The following SLC39A11 variants were observed in gnomAD, a reference collection of about 807,000 sequenced individuals.
SLC39A11 encodes zinc transporter ZIP11.
SLC39A11 carries 33 observed loss-of-function variants against 36.1 expected under a neutral mutation model. The ratio of observed to expected loss-of-function variants is 0.91; its 90% CI spans 0.69 to 1.22. The LOEUF is 1.22. Ranked by LOEUF, SLC39A11 falls within the 50% of genes most tolerant of loss-of-function variation. The pLI is 0.00. For synonymous variants in SLC39A11, 166 were observed against 170.3 expected (o/e 0.97, Z 0.20); for missense variants, 432 against 430.3 (o/e 1.00, Z -0.03).
At chr17:72,977,612 C>T (rs1170189552) in intron 4 of SLC39A11, among the ~76,000 whole-genome samples, 1 of 152,026 alleles carries the variant, frequency 6.6e-6, no homozygotes, top group East Asian at 1.9e-4. Flanking sequence ...CCTGAAAAAG[C>T]ATCAGAGAAA....
chr17:72,736,630 G>T lies in SLC39A11; in HGVS notation c.671+20C>A, dbSNP rs773002395. 3 of 1,611,420 alleles carry T rather than the reference G, an allele frequency of 1.9e-6. No homozygotes were observed. Among genetic ancestry groups the T allele is most frequent in the Middle Eastern group, 1.7e-4 (1 of 6,044 alleles). On this transcript the variant is annotated intron_variant, in intron 7 of 9. Coordinates refer to ENST00000255559, the MANE Select transcript of SLC39A11 (RefSeq NM_139177.4). ...CCTGGGTGCAGAACCATGCTCTAGG[G>T]TCCCAGGATGCTGGCTTACCTGGCA...
At chr17:72,976,562 C>G (rs1306751721) in intron 4 of SLC39A11, among the ~76,000 whole-genome samples, 3 of 152,068 alleles carry the variant, frequency 2.0e-5, no homozygotes, top group African/African-American at 7.2e-5. Context: ...ACAGAAATGT[C>G]TCTGTTGGCC....
intron 7 of SLC39A11, among the ~76,000 whole-genome samples, chr17:72,690,056 A>T (rs901619062): frequency 6.6e-6 from 1 of 152,200 alleles, no homozygotes; most frequent in African/African-American, 2.4e-5. Context: ...GGAAGCCAGG[A>T]AATACTCTCC....
At chr17:72,976,737 C>T (rs910501225) in intron 4 of SLC39A11, among the ~76,000 whole-genome samples, 7 of 152,086 alleles carry the variant, frequency 4.6e-5, no homozygotes, top group African/African-American at 1.4e-4. Flanking sequence ...ATAATCCCAG[C>T]TCCTCGGGAG....
intron 5 of SLC39A11, among the ~76,000 whole-genome samples, chr17:72,944,602 A>C (rs1405911675): frequency 1.3e-4 from 20 of 152,182 alleles, no homozygotes; most frequent in Admixed American, 1.3e-3. Context: ...GTCCTTTGGT[A>C]CTCATGCATG....
intron 4 of SLC39A11, among the ~76,000 whole-genome samples, chr17:72,973,849 C>T (rs541863919): frequency 2.0e-4 from 30 of 152,288 alleles, no homozygotes; most frequent in Admixed American, 3.3e-4. Flanking sequence ...CATGAACCAC[C>T]GCACCTGGCC....
chr17:72,889,377 T>C (rs1316041902), intron 5 of SLC39A11, among the ~76,000 whole-genome samples: 2 of 151,984 alleles, frequency 1.3e-5, no homozygotes. Flanking sequence ...CAGCTGGGCA[T>C]GGTGGCGGGC....
At chr17:72,964,897 A>G (rs920679527) in intron 4 of SLC39A11, among the ~76,000 whole-genome samples, 1 of 152,254 alleles carries the variant, frequency 6.6e-6, no homozygotes, top group Non-Finnish European at 1.5e-5. Context: ...TGTGGCACAT[A>G]TACACCATGG....
At chr17:72,701,544 A>G (rs1029740917) in intron 7 of SLC39A11, among the ~76,000 whole-genome samples, 86 of 152,198 alleles carry the variant, frequency 5.7e-4, no homozygotes, top group African/African-American at 2.0e-3. Flanking sequence ...CCTGGCCAAC[A>G]TGGTGAAACC....
intron 4 of SLC39A11, among the ~76,000 whole-genome samples, chr17:72,985,207 G>A (rs1315405959): frequency 6.6e-6 from 1 of 152,160 alleles, no homozygotes; most frequent in African/African-American, 2.4e-5. Flanking sequence ...CATACAGGGG[G>A]GAAAGGACAG....
intron 7 of SLC39A11, among the ~76,000 whole-genome samples, chr17:72,661,192 T>C (rs1266075206): frequency 1.3e-5 from 2 of 152,334 alleles, no homozygotes; most frequent in African/African-American, 4.8e-5. Context: ...AAGCTCACTG[T>C]TGCACAATTC....
At chr17:72,928,422 G>A (rs1470756360) in intron 5 of SLC39A11, among the ~76,000 whole-genome samples, 2 of 152,118 alleles carry the variant, frequency 1.3e-5, no homozygotes, top group African/African-American at 2.4e-5. Flanking sequence ...GAAAACAAAG[G>A]GACCATCAGG....
rs996169443 is a variant in SLC39A11 at position 72,740,658 on chromosome 17, T to C, written c.602-3939A>G. Among the ~76,000 whole-genome samples the C allele has an allele frequency of 3.3e-5, 5 of 152,336 alleles. No individual in the cohort carries two copies. In the East Asian group the frequency reaches 7.7e-4, roughly 23 times the overall value. On this transcript the variant is annotated intron_variant, in intron 6 of 9. Transcript: ENST00000255559. Reference sequence around the variant, plus strand: ...AAGGTTTACGATATTGCACTAAACATGACGAAAACTACGTAAGAACTGAGA... The same window carrying C: ...AAGGTTTACGATATTGCACTAAACACGACGAAAACTACGTAAGAACTGAGA...
chr17:72,834,683 T>A (rs2078443949), intron 6 of SLC39A11, among the ~76,000 whole-genome samples: 1 of 147,846 alleles, frequency 6.8e-6, no homozygotes, highest in Admixed American at 6.6e-5. Context: ...TTAAACCATG[T>A]TCTAGCCAAT....
At chr17:72,826,047 G>A (rs886955781) in intron 6 of SLC39A11, among the ~76,000 whole-genome samples, 5 of 152,142 alleles carry the variant, frequency 3.3e-5, no homozygotes, top group Admixed American at 1.3e-4. Context: ...TTTGGGAGGG[G>A]CCAGGGATGG....
chr17:72,966,663 G>A (rs921461646), intron 4 of SLC39A11, among the ~76,000 whole-genome samples: 9 of 152,098 alleles, frequency 5.9e-5, no homozygotes, highest in African/African-American at 1.2e-4. Flanking sequence ...TCCACCTCCC[G>A]GGTTCACGCC....
At chr17:72,837,451 G>A (rs1265351080) in intron 6 of SLC39A11, among the ~76,000 whole-genome samples, 1 of 149,368 alleles carries the variant, frequency 6.7e-6, no homozygotes, top group Non-Finnish European at 1.5e-5. Context: ...TTGTGTCAAA[G>A]GACTCTGCTG....
At chr17:73,068,611 A>G (rs2060069373) in intron 3 of SLC39A11, among the ~76,000 whole-genome samples, 1 of 152,150 alleles carries the variant, frequency 6.6e-6, no homozygotes, top group African/African-American at 2.4e-5. Context: ...TAACAGCCCC[A>G]GGGCAGTTGG....
intron 7 of SLC39A11, among the ~76,000 whole-genome samples, chr17:72,690,352 C>T (rs58684855): frequency 0.23 from 35,649 of 152,130 alleles, 5,105 homozygotes; most frequent in East Asian, 0.4. Flanking sequence ...GGATACACGT[C>T]GGAGAATTCC....
Sources: allele counts gnomAD v4.1 joint callset (sites outside exome capture counted in the v4.1 genomes callset), GRCh38; gene constraint gnomAD v4.1.1; transcripts MANE v1.5; gene names NCBI Gene and HGNC (gene_info 2026-07-23, HGNC 2026-07-21).